Variants in PRMT8 observed in about 807,000 individuals in gnomAD.
PRMT8 encodes protein arginine N-methyltransferase 8.
PRMT8 carries 7 observed loss-of-function variants against 47.1 expected under a neutral mutation model. The observed-to-expected ratio is 0.15, with a 90% confidence interval of 0.08 to 0.28. PRMT8 has a LOEUF of 0.28. Ranked by LOEUF, PRMT8 falls within the 10% of genes least tolerant of loss-of-function variation. The pLI is 1.00. For synonymous variants in PRMT8, 188 were observed against 186.5 expected (o/e 1.01, Z -0.07); for missense variants, 237 against 505.4 (o/e 0.47, Z 5.09).
intron 1 of PRMT8, among the ~76,000 whole-genome samples, chr12:3,403,136 A>T (rs1290818310): frequency 6.6e-6 from 1 of 152,034 alleles, no homozygotes; most frequent in Non-Finnish European, 1.5e-5. Context: ...TATGCAGCCT[A>T]AAAAAAAGAA....
rs573535431 is a variant in PRMT8, at chr12:3,538,626, G to A, written c.76-1980G>A. The A allele has an allele frequency of 1.9e-6, 1 of 519,006 alleles. No homozygotes were observed. Among genetic ancestry groups the A allele is most frequent in the East Asian group, 5.4e-5 (1 of 18,354 alleles). 32.2% of individuals were successfully genotyped at this position (519,006 alleles called of 1,614,324 possible). A position where few individuals can be genotyped will look rare whatever the true frequency, so the allele number is the denominator to read the frequency against. ...CATGCACAATGCCCAGACCAGCTCC[G>A]ACTTTTTCCTCTCCTTCACATATTT... On this transcript the variant is annotated intron_variant, in intron 1 of 9. Transcript: ENST00000382622. The surrounding 1 kb of genome is among the most constrained non-coding windows in gnomAD (Gnocchi z 4.6).
rs921230498 is a variant in PRMT8 at position 3,418,681 on chromosome 12, G to A, written c.48+37239G>A. ...CTAGCTACCTCACCCCACTTTACTG[G>A]GTCCTAACTTCCCCTCCCCACCTGA... On this transcript the variant is annotated intron_variant, in intron 1 of 9. Coordinates refer to the PRMT8 transcript ENST00000452611. 2.6e-5 allele frequency among the ~76,000 whole-genome samples: 4 copies of A among 152,198 alleles called. No homozygotes were observed. The South Asian group carries it at 8.3e-4, about 32-fold the overall frequency.
chr12:3,474,400 G>A (rs1160407148), intron 1 of PRMT8, among the ~76,000 whole-genome samples: 4 of 152,102 alleles, frequency 2.6e-5, no homozygotes, highest in African/African-American at 9.7e-5. Flanking sequence ...TCTTCCATTT[G>A]CCTTTTTCTC....
intron 1 of PRMT8, among the ~76,000 whole-genome samples, chr12:3,473,615 T>C (rs1865181385): frequency 6.6e-6 from 1 of 152,124 alleles, no homozygotes; most frequent in African/African-American, 2.4e-5. Context: ...AGCCCAGGTG[T>C]GTTTCCTAAG....
At chr12:3,577,879 T>C (rs1026531522) in intron 7 of PRMT8, among the ~76,000 whole-genome samples, 5 of 152,160 alleles carry the variant, frequency 3.3e-5, no homozygotes, top group Non-Finnish European at 4.4e-5. Flanking sequence ...TATATTCTTA[T>C]TATTAAAAAT....
chr12:3,580,337 C>CGTGTGCGT lies in PRMT8; in HGVS notation c.829-2716_829-2715insCGTGTGTG, dbSNP rs1867034390. Reference sequence around the variant, plus strand: ...TCCTGCCAGATGGGGGGTGCGTGTGCGTGTGTGTGTGTGTGTGTGTGTGTG... The same window carrying CGTGTGCGT: ...TCCTGCCAGATGGGGGGTGCGTGTGCGTGTGCGTGTGTGTGTGTGTGTGTGTGTGTGTG... On this transcript the variant is annotated intron_variant, in intron 7 of 9. Coordinates refer to ENST00000382622, the MANE Select transcript of PRMT8 (RefSeq NM_019854.5). The surrounding 1 kb of genome is among the most constrained non-coding windows in gnomAD (Gnocchi z 4.6). Among the ~76,000 whole-genome samples the CGTGTGCGT allele has an allele frequency of 6.9e-6, 1 of 145,538 alleles. No homozygotes were observed. The highest frequency in any genetic ancestry group is 2.5e-5 in the African/African-American group (1 of 39,520).
rs145251076 is a variant in PRMT8, at chr12:3,516,315, G to GTTCA, written c.76-24267_76-24264dup. Reference sequence around the variant, plus strand: ...TCCCCTCTTGGTGATTTGTTAAGGGGTTCATTCATTCATTCATTCATTCAT... The same window carrying GTTCA: ...TCCCCTCTTGGTGATTTGTTAAGGGGTTCATTCATTCATTCATTCATTCATTCAT... On this transcript the variant is annotated intron_variant, in intron 1 of 9. Coordinates refer to ENST00000382622, the MANE Select transcript of PRMT8 (RefSeq NM_019854.5). Among the ~76,000 whole-genome samples, 778 of 152,138 alleles carry GTTCA rather than the reference G, an allele frequency of 5.1e-3. 9 individuals are homozygous for GTTCA. Among genetic ancestry groups the GTTCA allele is most frequent in the African/African-American group, 0.016 (661 of 41,450 alleles).
intron 1 of PRMT8, among the ~76,000 whole-genome samples, chr12:3,447,523 C>G (rs757994932): frequency 6.6e-6 from 1 of 152,106 alleles, no homozygotes; most frequent in Non-Finnish European, 1.5e-5. Flanking sequence ...CACCAAATTC[C>G]CACTCATCCT....
chr12:3,410,476 T>C (rs180974152), intron 1 of PRMT8, among the ~76,000 whole-genome samples: 12 of 152,294 alleles, frequency 7.9e-5, no homozygotes, highest in Non-Finnish European at 1.5e-5. Context: ...TTTTACTTGC[T>C]TTTCTTTGTT....
rs367968728 is a variant in PRMT8, at chr12:3,553,602, G to C, written c.418-49G>C. On this transcript the variant is annotated intron_variant, in intron 3 of 9. Coordinates refer to ENST00000382622, the MANE Select transcript of PRMT8 (RefSeq NM_019854.5). Reference sequence around the variant, plus strand: ...TATCCATTGAATCGGTGTGGGTCTTGCTGTGATTTTTTTTGACGCCTTGCT... The same window carrying C: ...TATCCATTGAATCGGTGTGGGTCTTCCTGTGATTTTTTTTGACGCCTTGCT... The C allele has an allele frequency of 2.6e-4, 385 of 1,466,864 alleles. 3 individuals carry two copies. The highest frequency in any genetic ancestry group is 1.6e-4 in the Non-Finnish European group (166 of 1,046,574). The allele number at this position is 1,466,864 out of a possible 1,614,324, so 90.9% of individuals were successfully genotyped here.
At chr12:3,389,196 T>G (rs1864169211) in intron 1 of PRMT8, among the ~76,000 whole-genome samples, 1 of 152,148 alleles carries the variant, frequency 6.6e-6, no homozygotes, top group South Asian at 2.1e-4. Context: ...CATTTTTCTA[T>G]TAGTTTCAAA....
At chr12:3,556,996 G>A (rs574456182) in intron 4 of PRMT8, among the ~76,000 whole-genome samples, 7 of 152,316 alleles carry the variant, frequency 4.6e-5, no homozygotes, top group Admixed American at 4.6e-4. Flanking sequence ...AGATGGAGGT[G>A]CCAGTGGTGG....
At chr12:3,577,678 AT>A (rs35046315) in intron 7 of PRMT8, among the ~76,000 whole-genome samples, 64,743 of 151,090 alleles carry the variant, frequency 0.43, 13,933 homozygotes, top group Admixed American at 0.49. Flanking sequence ...TTTTTGTGGG[AT>A]TTTTTTTTTA....
At chr12:3,551,076 A>ACCCCCCCCCCCCCCCCCC (rs3837513) in intron 3 of PRMT8, 30 of 137,104 alleles carry the variant, frequency 2.2e-4, no homozygotes, top group Non-Finnish European at 2.7e-4. Context: ...AGCCCTGGGG[A>ACCCCCCCCCCCCCCCCCC]CCCCCCCCCG....
chr12:3,549,572 A>G (rs1375042625), intron 2 of PRMT8, among the ~76,000 whole-genome samples: 1 of 152,132 alleles, frequency 6.6e-6, no homozygotes, highest in East Asian at 1.9e-4. Context: ...GACGTGTTCA[A>G]TGACAATTCT....
At chr12:3,546,691 A>G (rs920735281) in intron 2 of PRMT8, among the ~76,000 whole-genome samples, 2 of 152,212 alleles carry the variant, frequency 1.3e-5, no homozygotes, top group African/African-American at 4.8e-5. Context: ...GAAACTTCCT[A>G]TAAGAGAACT....
At chr12:3,395,337 T>C (rs1266264540) in intron 1 of PRMT8, among the ~76,000 whole-genome samples, 2 of 150,226 alleles carry the variant, frequency 1.3e-5, no homozygotes, top group Non-Finnish European at 3.0e-5. Flanking sequence ...CTGCTTTCTC[T>C]TGTGGGCATT....
intron 1 of PRMT8, among the ~76,000 whole-genome samples, chr12:3,405,638 G>A (rs910672126): frequency 6.6e-6 from 1 of 152,194 alleles, no homozygotes; most frequent in African/African-American, 2.4e-5. Context: ...CCAAAAGAAA[G>A]GGGCCTCATA....
intron 1 of PRMT8, among the ~76,000 whole-genome samples, chr12:3,484,769 A>T (rs942104889): frequency 6.6e-6 from 1 of 152,200 alleles, no homozygotes; most frequent in Non-Finnish European, 1.5e-5. Context: ...GCACGCTTTG[A>T]TAGGCTCCAT....
Sources: gnomAD v4.1 joint callset for allele counts (sites outside exome capture counted in the v4.1 genomes callset) on GRCh38, gnomAD v4.1.1 for gene constraint, Gnocchi (gnomAD v3.1) non-coding constraint, MANE v1.5 for transcripts, NCBI Gene and HGNC (gene_info 2026-07-23, HGNC 2026-07-21) for gene names.